Variants in TFEC observed in about 807,000 individuals in gnomAD.
TFEC encodes transcription factor EC.
TFEC carries 31 observed loss-of-function variants against 41.6 expected under a neutral mutation model. The observed-to-expected ratio is 0.74, with a 90% confidence interval of 0.56 to 1.01. TFEC has a LOEUF of 1.01. TFEC is among the 50% of genes least tolerant of loss of function. The probability of loss-of-function intolerance (pLI) is 0.00; values close to 1 mark genes in which losing one functional copy is unlikely to be tolerated. For missense variants in TFEC, 402 were observed against 404.1 expected, an observed-to-expected ratio of 0.99 and a Z score of 0.04; for synonymous variants, 143 against 140.6, an observed-to-expected ratio of 1.02 and a Z score of -0.12.
chr7:116,043,930 G>T (rs559326499), intron 3 of TFEC, among the ~76,000 whole-genome samples: 1 of 152,222 alleles, frequency 6.6e-6, no homozygotes, highest in South Asian at 2.1e-4. Context: ...GACTCTTCTG[G>T]GTGCCAATTT....
chr7:116,111,253 C>A lies in TFEC; in HGVS notation c.-21-327G>T, dbSNP rs531261016. 3.9e-5 allele frequency among the ~76,000 whole-genome samples: 6 copies of A among 152,064 alleles called. No homozygotes were observed. The South Asian group carries it at 1.2e-3, about 32-fold the overall frequency. ...GTACAAAGGCAAGAAAAAAAGTGGA[C>A]ATGAACAAACCTCAAAGGTGACTGC... On this transcript the variant is annotated intron_variant, in intron 2 of 8. Transcript: ENST00000484212.
intron 1 of TFEC, among the ~76,000 whole-genome samples, chr7:116,006,561 A>G (rs1466857429): frequency 2.6e-5 from 4 of 152,150 alleles, no homozygotes; most frequent in African/African-American, 4.8e-5. Context: ...GTATCTAGGA[A>G]GTAACTAACT....
At chr7:116,074,315 A>C (rs1796904299) in intron 3 of TFEC, among the ~76,000 whole-genome samples, 1 of 151,940 alleles carries the variant, frequency 6.6e-6, no homozygotes, top group Admixed American at 6.6e-5. Context: ...CAAGAATTGA[A>C]AAGACAACCC....
intron 3 of TFEC, chr7:116,110,682 G>T: frequency 7.9e-7 from 1 of 1,269,566 alleles, no homozygotes; most frequent in Non-Finnish European, 1.0e-6. Flanking sequence ...TAGAAATTAC[G>T]GCTGTATATG....
chr7:115,984,848 C>A (rs1007888804), intron 1 of TFEC, among the ~76,000 whole-genome samples: 2 of 151,910 alleles, frequency 1.3e-5, no homozygotes, highest in Non-Finnish European at 2.9e-5. Flanking sequence ...ACAGATGATT[C>A]ACTATTACAA....
At chr7:116,056,211 T>A (rs554018421) in intron 3 of TFEC, among the ~76,000 whole-genome samples, 1 of 151,162 alleles carries the variant, frequency 6.6e-6, no homozygotes, top group Non-Finnish European at 1.5e-5. Context: ...AAAGAAAAGG[T>A]AAGCTCGACA....
At chr7:116,121,568 T>C (rs1346955955) in intron 1 of TFEC, 1 of 152,088 alleles carries the variant, frequency 6.6e-6, no homozygotes, top group Non-Finnish European at 1.5e-5. Context: ...TTTTAGGTTA[T>C]GTGAATTTCA....
intron 1 of TFEC, among the ~76,000 whole-genome samples, chr7:116,021,102 T>C (rs1195599918): frequency 2.0e-5 from 3 of 152,178 alleles, no homozygotes; most frequent in East Asian, 1.9e-4. Flanking sequence ...TGAAAGTACA[T>C]TTTCTAAAGG....
chr7:116,034,534 AACCCACCTGG>A (rs1795863469), upstream of TFEC, among the ~76,000 whole-genome samples: 1 of 151,826 alleles, frequency 6.6e-6, no homozygotes, highest in African/African-American at 2.4e-5. Flanking sequence ...CTCACCTTCA[AACCCACCTGG>A]AATTTATCTG....
At chr7:116,135,105 A>AT (rs1183361833) in intron 1 of TFEC, among the ~76,000 whole-genome samples, 2 of 152,064 alleles carry the variant, frequency 1.3e-5, no homozygotes, top group Non-Finnish European at 2.9e-5. Flanking sequence ...GTAATCCTTG[A>AT]TTTTTTTGCA....
chr7:116,004,117 T>A (rs1794699994), intron 1 of TFEC, among the ~76,000 whole-genome samples: 1 of 151,912 alleles, frequency 6.6e-6, no homozygotes, highest in Non-Finnish European at 1.5e-5. Context: ...AGAAAAGGAA[T>A]AATAACAATT....
At chr7:116,034,502 G>A (rs1261850953), upstream of TFEC, among the ~76,000 whole-genome samples, 1 of 151,676 alleles carries the variant, frequency 6.6e-6, no homozygotes, top group Admixed American at 6.6e-5. Flanking sequence ...CCTTCAACGT[G>A]TCCATCAGTA....
At chr7:116,054,968 T>A (rs1242647835) in intron 3 of TFEC, among the ~76,000 whole-genome samples, 1 of 152,166 alleles carries the variant, frequency 6.6e-6, no homozygotes, top group Admixed American at 6.5e-5. Flanking sequence ...TATAATAATA[T>A]ATTCACATGA....
Position 115,940,413 on chromosome 7 carries a change from G to A in TFEC, c.*138C>T. ...TTTTCTTCCTGCGAATTCTTCTGTTGCTTCTATCAGTTTTTCATGAACAAC... is the reference window on the plus strand; with the variant it reads ...TTTTCTTCCTGCGAATTCTTCTGTTACTTCTATCAGTTTTTCATGAACAAC... On this transcript the variant is annotated 3_prime_UTR_variant, in exon 8 of 8. Coordinates refer to ENST00000265440, the MANE Select transcript of TFEC (RefSeq NM_012252.4). The A allele has an allele frequency of 1.1e-6, 1 of 911,412 alleles. No homozygotes were observed. Among genetic ancestry groups the A allele is most frequent in the Non-Finnish European group, 1.6e-6 (1 of 640,508 alleles). 56.5% of individuals were successfully genotyped at this position (911,412 alleles called of 1,614,324 possible). A position where few individuals can be genotyped will look rare whatever the true frequency, so the allele number is the denominator to read the frequency against.
At chr7:116,029,880 G>A (rs1795728871) in intron 1 of TFEC, among the ~76,000 whole-genome samples, 2 of 148,734 alleles carry the variant, frequency 1.3e-5, no homozygotes, top group African/African-American at 5.0e-5. Context: ...CCAACATGGT[G>A]AAACTGCGTC....
At chr7:116,151,066 C>T (rs1420710178) in intron 1 of TFEC, among the ~76,000 whole-genome samples, 7 of 152,026 alleles carry the variant, frequency 4.6e-5, no homozygotes, top group Admixed American at 4.6e-4. Context: ...ATGCAGTGCA[C>T]TGTTTAGTGA....
chr7:116,094,514 A>G (rs1797405497), intron 3 of TFEC, among the ~76,000 whole-genome samples: 3 of 151,190 alleles, frequency 2.0e-5, no homozygotes, highest in African/African-American at 7.3e-5. Flanking sequence ...TCCCGTCTCT[A>G]CCAAAAATGC....
chr7:116,067,144 A>C (rs944399275), intron 3 of TFEC, among the ~76,000 whole-genome samples: 1 of 152,064 alleles, frequency 6.6e-6, no homozygotes, highest in African/African-American at 2.4e-5. Context: ...AAGATCCCTG[A>C]GATAAACCCT....
intron 6 of TFEC, among the ~76,000 whole-genome samples, chr7:115,947,955 A>T (rs1562880683): frequency 6.6e-6 from 1 of 152,142 alleles, no homozygotes; most frequent in Non-Finnish European, 1.5e-5. Context: ...CGCTAGCAAG[A>T]CTAATAAAGA....
Sources: gnomAD v4.1 joint callset for allele counts (sites outside exome capture counted in the v4.1 genomes callset) on GRCh38, gnomAD v4.1.1 for gene constraint, MANE v1.5 for transcripts, NCBI Gene and HGNC (gene_info 2026-07-23, HGNC 2026-07-21) for gene names.